The following PPP2R2B variants were observed in gnomAD, a reference collection of about 807,000 sequenced individuals.
The protein encoded by PPP2R2B is serine/threonine-protein phosphatase 2A 55 kDa regulatory subunit B beta isoform.
A neutral mutation model predicts 46.0 loss-of-function variants in PPP2R2B; 5 were observed. The ratio of observed to expected loss-of-function variants is 0.11; its 90% confidence interval spans 0.06 to 0.23. PPP2R2B has a LOEUF of 0.23. Among genes scored for constraint, PPP2R2B ranks in the 10% least tolerant of loss-of-function variants. PPP2R2B has a pLI of 1.00. For missense variants in PPP2R2B, 367 were observed against 575.0 expected, an observed-to-expected ratio of 0.64 and a Z score of 3.70; for synonymous variants, 215 against 206.7, an observed-to-expected ratio of 1.04 and a Z score of -0.34.
intron 1 of PPP2R2B, among the ~76,000 whole-genome samples, chr5:147,007,960 AC>A (rs1561572731): frequency 6.6e-6 from 1 of 152,240 alleles, no homozygotes; most frequent in African/African-American, 2.4e-5. Context: ...AATTCCGGAC[AC>A]AATAGTCCAT....
chr5:146,598,526 G>A (rs777494310), intron 8 of PPP2R2B, among the ~76,000 whole-genome samples: 1 of 152,166 alleles, frequency 6.6e-6, no homozygotes, highest in Non-Finnish European at 1.5e-5. Flanking sequence ...ACATTGAAGT[G>A]TCTACCTGCT....
At chr5:146,816,827 C>T (rs1757960014) in intron 2 of PPP2R2B, among the ~76,000 whole-genome samples, 1 of 152,214 alleles carries the variant, frequency 6.6e-6, no homozygotes, top group Non-Finnish European at 1.5e-5. Flanking sequence ...TATCCCTTCT[C>T]CCCAAGATTT....
chr5:146,687,530 T>C (rs1244906151), intron 5 of PPP2R2B, among the ~76,000 whole-genome samples: 2 of 152,206 alleles, frequency 1.3e-5, no homozygotes, highest in Non-Finnish European at 2.9e-5. Context: ...ATACCTGTCC[T>C]GCCCTCCTCA....
At position 147,012,570 on chromosome 5, in the gene PPP2R2B, T is replaced by C. The variant is rs1439059936; in HGVS notation, c.79+43095A>G. 1.1e-4 allele frequency among the ~76,000 whole-genome samples: 16 copies of C among 152,284 alleles called. No individual in the cohort carries two copies. In the East Asian group the frequency reaches 2.5e-3, roughly 24 times the overall value. On this transcript the variant is annotated intron_variant, in intron 1 of 8. Transcript: ENST00000336640. ...ATTTTTTGAAGGGATTTTTTGTGTC[T>C]CTATTTCCTTCAGTTCTGCTCTGAT...
Position 146,698,161 on chromosome 5 carries a change from A to G in PPP2R2B, c.169-17T>C, listed in dbSNP as rs1779291882. 3 of 1,570,374 alleles carry G rather than the reference A, an allele frequency of 1.9e-6. No homozygotes were observed. Among genetic ancestry groups the G allele is most frequent in the South Asian group, 2.4e-5 (2 of 84,138 alleles). The stretch of plus-strand genomic sequence containing the variant: ...ATTTTTACTCTGTAGGAAAGGAAAA[A>G]AATACACAACAGATTAAATCACAGT... On this transcript the variant is annotated splice_polypyrimidine_tract_variant and intron_variant, in intron 3 of 9. Transcript: ENST00000394411.
chr5:146,919,463 G>A (rs931757893), intron 1 of PPP2R2B: 1 of 152,194 alleles, frequency 6.6e-6, no homozygotes, highest in African/African-American at 2.4e-5. Flanking sequence ...AGCTACAGCT[G>A]TTAGTCCTTC....
chr5:146,727,086 T>G (rs1367881195), intron 2 of PPP2R2B, among the ~76,000 whole-genome samples: 4 of 152,208 alleles, frequency 2.6e-5, no homozygotes, highest in Non-Finnish European at 5.9e-5. Context: ...CTTCATTTTC[T>G]AAACTACCCT....
intron 5 of PPP2R2B, among the ~76,000 whole-genome samples, 191 bp from the exon 6 acceptor site, chr5:146,650,915 G>T (rs1775909796): frequency 1.3e-5 from 2 of 152,132 alleles, no homozygotes; most frequent in Admixed American, 6.5e-5. Context: ...TCTTTCAAAA[G>T]ATATCACCAT....
chr5:147,033,836 C>A (rs1213589648), intron 1 of PPP2R2B, among the ~76,000 whole-genome samples: 1 of 152,064 alleles, frequency 6.6e-6, no homozygotes, highest in Non-Finnish European at 1.5e-5. Flanking sequence ...AAGCCTCTGT[C>A]CTTTCTTGTC....
chr5:146,735,408 G>A (rs768609995), intron 2 of PPP2R2B, among the ~76,000 whole-genome samples: 2 of 151,950 alleles, frequency 1.3e-5, no homozygotes, highest in African/African-American at 4.8e-5. Flanking sequence ...GAATGAAAAG[G>A]CATGGTATAT....
rs1475484043 is a variant in PPP2R2B at position 146,587,381 on chromosome 5, G to T, written c.*2566C>A. 6.6e-6 allele frequency: 1 copy of T among 152,292 alleles called. No homozygotes were observed. Among genetic ancestry groups the T allele is most frequent in the African/African-American group, 2.4e-5 (1 of 41,446 alleles). 9.4% of individuals were successfully genotyped at this position (152,292 alleles called of 1,614,324 possible). The stretch of plus-strand genomic sequence containing the variant: ...ATCCTTTGCAGGGGATGGAGGAGAG[G>T]ATGGCTGCCCTCTGCTCTTTCTTCT... On this transcript the variant is annotated 3_prime_UTR_variant, in exon 10 of 10. Transcript: ENST00000394411.
intron 1 of PPP2R2B, among the ~76,000 whole-genome samples, chr5:146,994,767 C>A (rs1398387321): frequency 6.6e-6 from 1 of 152,166 alleles, no homozygotes; most frequent in Non-Finnish European, 1.5e-5. Flanking sequence ...TGAGGCTCTG[C>A]ACAGGGCATT....
intron 2 of PPP2R2B, among the ~76,000 whole-genome samples, chr5:147,073,232 G>A (rs1374725005): frequency 6.6e-6 from 1 of 152,110 alleles, no homozygotes; most frequent in Non-Finnish European, 1.5e-5. Context: ...TCTTGGCTAG[G>A]AAATATTTAA....
chr5:146,975,538 G>A (rs904811382), intron 1 of PPP2R2B, among the ~76,000 whole-genome samples: 1 of 152,170 alleles, frequency 6.6e-6, no homozygotes, highest in Non-Finnish European at 1.5e-5. Flanking sequence ...GGAATGGCTG[G>A]ATCATATGGT....
chr5:146,593,978 T>C (rs1015295317), intron 8 of PPP2R2B, among the ~76,000 whole-genome samples: 21 of 152,122 alleles, frequency 1.4e-4, no homozygotes, highest in Non-Finnish European at 1.6e-4. Flanking sequence ...CTGGTCAGAT[T>C]CTCCTTTTGT....
intron 2 of PPP2R2B, among the ~76,000 whole-genome samples, chr5:146,731,640 C>A (rs965826639): frequency 2.0e-5 from 3 of 152,134 alleles, no homozygotes; most frequent in Non-Finnish European, 4.4e-5. Context: ...AGTCAGTCAC[C>A]CTCATTCTCA....
At chr5:146,704,489 C>T (rs1171221914) in intron 2 of PPP2R2B, among the ~76,000 whole-genome samples, 1 of 152,180 alleles carries the variant, frequency 6.6e-6, no homozygotes, top group Non-Finnish European at 1.5e-5. Context: ...GATCAAGAAA[C>T]TACAAACTTG....
At chr5:146,669,390 G>T (rs1777200967) in intron 5 of PPP2R2B, among the ~76,000 whole-genome samples, 1 of 152,044 alleles carries the variant, frequency 6.6e-6, no homozygotes, top group Non-Finnish European at 1.5e-5. Flanking sequence ...AGCATCGTGG[G>T]ATGTTGAATA....
intron 7 of PPP2R2B, among the ~76,000 whole-genome samples, chr5:146,626,015 C>G (rs1025846916): frequency 1.3e-5 from 2 of 152,170 alleles, no homozygotes; most frequent in African/African-American, 4.8e-5. Flanking sequence ...GAAACATTCC[C>G]CCCTAGAGCC....
Sources: gnomAD v4.1 joint callset for allele counts (sites outside exome capture counted in the v4.1 genomes callset) on GRCh38, gnomAD v4.1.1 for gene constraint, MANE v1.5 for transcripts, NCBI Gene and HGNC (gene_info 2026-07-23, HGNC 2026-07-21) for gene names.